The following TP63 variants were observed in gnomAD, a reference collection of about 807,000 sequenced individuals.
TP63 encodes tumor protein p63.
TP63 carries 17 observed loss-of-function variants against 82.8 expected under a neutral mutation model. The observed-to-expected ratio is 0.21, with a 90% CI of 0.14 to 0.31. The LOEUF (loss-of-function observed/expected upper bound fraction) is 0.31, where lower values mean the gene tolerates loss of function less well. TP63 is among the 10% of genes least tolerant of loss of function. TP63 has a pLI of 1.00. For missense variants in TP63, 648 were observed against 895.3 expected (o/e 0.72, Z 3.52); for synonymous variants, 330 against 321.7 (o/e 1.03, Z -0.28).
intron 3 of TP63, among the ~76,000 whole-genome samples, chr3:189,800,259 G>C (rs1474908462): frequency 6.6e-6 from 1 of 152,024 alleles, no homozygotes; most frequent in Non-Finnish European, 1.5e-5. Context: ...GGCCAGAGCA[G>C]AGTTTCAAAT....
chr3:189,774,130 G>A (rs186206570), intron 3 of TP63, among the ~76,000 whole-genome samples: 2 of 151,974 alleles, frequency 1.3e-5, no homozygotes, highest in East Asian at 3.9e-4. Flanking sequence ...CACCGTGTTA[G>A]CCAGGATGGT....
chr3:189,847,639 C>A (rs1339355035), intron 4 of TP63, among the ~76,000 whole-genome samples: 1 of 152,198 alleles, frequency 6.6e-6, no homozygotes, highest in Non-Finnish European at 1.5e-5. Context: ...CACAGTTGCA[C>A]TGGGGGTCCT....
intron 10 of TP63, among the ~76,000 whole-genome samples, chr3:189,875,589 CATACATATATAT>C (rs1462699438): frequency 0.015 from 682 of 44,412 alleles, 74 homozygotes; most frequent in Middle Eastern, 0.039. Context: ...AAAAAAAATA[CATACATATATAT>C]ATATATATAT....
intron 1 of TP63, among the ~76,000 whole-genome samples, chr3:189,667,428 C>T (rs115999229): frequency 0.013 from 2,042 of 152,094 alleles, 25 homozygotes; most frequent in East Asian, 0.044. Context: ...TCGCCTCTAC[C>T]TCCCAAAGTG....
rs147358613 is a variant in TP63 at position 189,743,548 on chromosome 3, G to C, written c.324+4774G>C. On this transcript the variant is annotated intron_variant, in intron 3 of 13. Coordinates refer to ENST00000264731, the MANE Select transcript of TP63 (RefSeq NM_003722.5). ...AACATACACACACACAGAAATGAAG[G>C]CTTCATTGCAGCATTGTTTATAATA... Among the ~76,000 whole-genome samples, 565 of 151,840 alleles carry C rather than the reference G, an allele frequency of 3.7e-3. 1 individual carries two copies. Among genetic ancestry groups the C allele is most frequent in the Non-Finnish European group, 7.0e-3 (473 of 67,920 alleles).
intron 3 of TP63, among the ~76,000 whole-genome samples, chr3:189,756,867 A>T (rs1722226615): frequency 6.6e-6 from 1 of 152,184 alleles, no homozygotes; most frequent in Non-Finnish European, 1.5e-5. Flanking sequence ...TAGGAATGAC[A>T]AAGTTGAAGA....
At chr3:189,778,985 G>C (rs1041471727) in intron 3 of TP63, among the ~76,000 whole-genome samples, 1 of 151,402 alleles carries the variant, frequency 6.6e-6, no homozygotes, top group Non-Finnish European at 1.5e-5. Flanking sequence ...CCCATAGCTC[G>C]TGTGTGTGTG....
At chr3:189,719,207 G>T (rs988983988) in intron 1 of TP63, among the ~76,000 whole-genome samples, 1 of 152,036 alleles carries the variant, frequency 6.6e-6, no homozygotes, top group Non-Finnish European at 1.5e-5. Flanking sequence ...TTGTTCTTTG[G>T]GAAGCCAGGC....
chr3:189,792,501 G>A (rs1484329358), intron 3 of TP63, among the ~76,000 whole-genome samples: 1 of 152,002 alleles, frequency 6.6e-6, no homozygotes, highest in Non-Finnish European at 1.5e-5. Flanking sequence ...CTCCTTCTTA[G>A]AAAGAGATAT....
At chr3:189,880,868 A>G in intron 10 of TP63, 1 of 985,320 alleles carries the variant, frequency 1.0e-6, no homozygotes, top group Non-Finnish European at 1.2e-6. Context: ...TGCCTCTGCC[A>G]CTGTATGTTG....
intron 4 of TP63, among the ~76,000 whole-genome samples, chr3:189,814,103 G>T (rs189905812): frequency 2.0e-5 from 3 of 152,282 alleles, no homozygotes; most frequent in Admixed American, 6.5e-5. Context: ...CTTTGGCTCC[G>T]CAGGCAGGCT....
intron 3 of TP63, among the ~76,000 whole-genome samples, chr3:189,786,446 AACACACAC>A (rs59747587): frequency 0.033 from 4,886 of 147,068 alleles, 154 homozygotes; most frequent in African/African-American, 0.087. Flanking sequence ...GACATACCTA[AACACACAC>A]ACACACACAC....
At chr3:189,744,182 C>T (rs1721203467) in intron 3 of TP63, among the ~76,000 whole-genome samples, 1 of 152,056 alleles carries the variant, frequency 6.6e-6, no homozygotes, top group Admixed American at 6.5e-5. Context: ...CCCCTTCACC[C>T]CCCAACAGAG....
intron 1 of TP63, among the ~76,000 whole-genome samples, chr3:189,712,455 C>A: frequency 6.6e-6 from 1 of 152,144 alleles, no homozygotes; most frequent in East Asian, 1.9e-4. Flanking sequence ...AGTCTTAGAT[C>A]AAGGCACTGG....
At chr3:189,738,879 C>A in intron 3 of TP63, 105 bp downstream of exon 3, 1 of 1,513,958 alleles carries the variant, frequency 6.6e-7, no homozygotes, top group Non-Finnish European at 9.0e-7. Context: ...CTCTGAATGG[C>A]CAAGGCCTTT....
intron 1 of TP63, among the ~76,000 whole-genome samples, chr3:189,733,324 C>T (rs752490041): frequency 6.2e-4 from 95 of 152,146 alleles, no homozygotes; most frequent in Non-Finnish European, 7.5e-4. Flanking sequence ...TCTGAATCTG[C>T]CTTGGTCTTT....
At position 189,662,904 on chromosome 3, in the gene TP63, A is replaced by G. The variant is rs1308868827; in HGVS notation, c.62+31327A>G. ...TCTAATTTGATCACTAATTATTTAT[A>G]TAAGATTAAGAGAGTCTTTCTGGGA... On this transcript the variant is annotated intron_variant, in intron 1 of 13. Coordinates refer to ENST00000264731, the MANE Select transcript of TP63 (RefSeq NM_003722.5). Among the ~76,000 whole-genome samples the G allele has an allele frequency of 3.9e-5, 6 of 152,102 alleles. No homozygotes were observed. In the East Asian group the frequency reaches 5.8e-4, roughly 15 times the overall value.
chr3:189,608,991 T>C, the TP63 span, among the ~76,000 whole-genome samples: 1 of 152,134 alleles, frequency 6.6e-6, no homozygotes, highest in African/African-American at 2.4e-5. Flanking sequence ...AGGAAAACAC[T>C]GTAGTTTCAT....
chr3:189,838,145 C>T (rs888774106), intron 4 of TP63, among the ~76,000 whole-genome samples: 3 of 151,794 alleles, frequency 2.0e-5, no homozygotes, highest in African/African-American at 7.3e-5. Context: ...CCTGAGCCCC[C>T]CTCCCTCCTT....
Sources: gnomAD v4.1 joint callset for allele counts (sites outside exome capture counted in the v4.1 genomes callset) on GRCh38, gnomAD v4.1.1 for gene constraint, MANE v1.5 for transcripts, NCBI Gene and HGNC (gene_info 2026-07-23, HGNC 2026-07-21) for gene names.